TRAPPC9: variants seen among roughly 807,000 people sequenced by gnomAD.
TRAPPC9 encodes IKK2 binding protein.
TRAPPC9 carries 83 observed loss-of-function variants against 124.0 expected under a neutral mutation model. The observed-to-expected ratio is 0.67, with a 90% CI of 0.56 to 0.80. The LOEUF is 0.80. Ranked by LOEUF, TRAPPC9 falls within the 30% of genes least tolerant of loss-of-function variation. The pLI, the probability that TRAPPC9 is intolerant of heterozygous loss-of-function variation, is 0.00. For missense variants in TRAPPC9, 1,302 were observed against 1,508.3 expected (o/e 0.86, Z 2.27); for synonymous variants, 638 against 617.5 (o/e 1.03, Z -0.49).
At chr8:140,074,639 A>T (rs1205269951) in intron 17 of TRAPPC9, among the ~76,000 whole-genome samples, 3 of 152,146 alleles carry the variant, frequency 2.0e-5, no homozygotes, top group Non-Finnish European at 4.4e-5. Context: ...AACTCAGAGG[A>T]AAGACAGTCC....
At chr8:139,805,266 T>C (rs985535791) in intron 21 of TRAPPC9, among the ~76,000 whole-genome samples, 1 of 152,160 alleles carries the variant, frequency 6.6e-6, no homozygotes, top group African/African-American at 2.4e-5. Flanking sequence ...TGGCGTGAGG[T>C]GTGCCTGGGC....
At chr8:140,259,085 C>T (rs1180102585) in intron 15 of TRAPPC9, among the ~76,000 whole-genome samples, 1 of 152,240 alleles carries the variant, frequency 6.6e-6, no homozygotes, top group African/African-American at 2.4e-5. Flanking sequence ...TGGCACATAA[C>T]AGCAACATCG....
At chr8:140,458,434 G>C, upstream of TRAPPC9, 1 of 1,584,884 alleles carries the variant, frequency 6.3e-7, no homozygotes, top group Non-Finnish European at 8.6e-7. Context: ...ACGTGGGTGG[G>C]TGACCGTGGC....
intron 21 of TRAPPC9, among the ~76,000 whole-genome samples, chr8:139,883,177 G>C (rs1829783395): frequency 6.6e-6 from 1 of 152,200 alleles, no homozygotes; most frequent in Non-Finnish European, 1.5e-5. Context: ...AGACACCTGA[G>C]CTAGCACATG....
At chr8:140,201,936 C>G (rs938873354) in intron 17 of TRAPPC9, among the ~76,000 whole-genome samples, 1 of 152,010 alleles carries the variant, frequency 6.6e-6, no homozygotes, top group African/African-American at 2.4e-5. Flanking sequence ...GACATACCAT[C>G]AGAGCTATGG....
chr8:139,806,867 C>A (rs922417297), intron 21 of TRAPPC9, among the ~76,000 whole-genome samples: 6 of 152,190 alleles, frequency 3.9e-5, no homozygotes, highest in Admixed American at 1.3e-4. Context: ...TGCACACGCA[C>A]GGGGGAGAAG....
chr8:140,218,949 G>A (rs1366721017), intron 17 of TRAPPC9, among the ~76,000 whole-genome samples: 1 of 149,976 alleles, frequency 6.7e-6, no homozygotes, highest in Non-Finnish European at 1.5e-5. Flanking sequence ...GACAGAACGA[G>A]ACTCCCATCT....
chr8:140,201,238 C>G (rs1049305386), intron 17 of TRAPPC9, among the ~76,000 whole-genome samples: 1 of 152,166 alleles, frequency 6.6e-6, no homozygotes, highest in African/African-American at 2.4e-5. Flanking sequence ...ACCTGCGGGT[C>G]CAGCCAGTTT....
At chr8:139,820,727 T>C (rs1214228668) in intron 21 of TRAPPC9, among the ~76,000 whole-genome samples, 1 of 152,140 alleles carries the variant, frequency 6.6e-6, no homozygotes, top group African/African-American at 2.4e-5. Flanking sequence ...GAACAGATAA[T>C]TCAGAAATAG....
At chr8:139,925,827 GCACACACA>G (rs56794885) in intron 19 of TRAPPC9, among the ~76,000 whole-genome samples, 2 of 68,660 alleles carry the variant, frequency 2.9e-5, no homozygotes, top group South Asian at 5.2e-4. Context: ...ACACGCACAC[GCACACACA>G]CACACACACA....
chr8:140,342,535 T>C (rs1364928658), intron 9 of TRAPPC9, among the ~76,000 whole-genome samples: 1 of 152,204 alleles, frequency 6.6e-6, no homozygotes, highest in African/African-American at 2.4e-5. Context: ...CCCTTCTCTC[T>C]AGTTCTGAAC....
chr8:140,085,295 G>C (rs2130075606), intron 17 of TRAPPC9, among the ~76,000 whole-genome samples: 1 of 149,056 alleles, frequency 6.7e-6, no homozygotes, highest in African/African-American at 2.5e-5. Flanking sequence ...TACACTTTGG[G>C]TTCCTGCTGC....
At chr8:140,165,202 G>A (rs886302912) in intron 17 of TRAPPC9, among the ~76,000 whole-genome samples, 2 of 152,016 alleles carry the variant, frequency 1.3e-5, no homozygotes, top group African/African-American at 4.8e-5. Flanking sequence ...TTAGCCAGGC[G>A]TGGTGGCGTG....
intron 17 of TRAPPC9, among the ~76,000 whole-genome samples, chr8:140,193,452 G>A (rs1379413895): frequency 3.9e-5 from 6 of 152,088 alleles, no homozygotes; most frequent in African/African-American, 1.4e-4. Flanking sequence ...TCAGCTGAAT[G>A]TAAGTCTTGG....
chr8:140,217,518 C>A (rs541475424), intron 17 of TRAPPC9, among the ~76,000 whole-genome samples: 4 of 152,124 alleles, frequency 2.6e-5, no homozygotes, highest in Non-Finnish European at 4.4e-5. Flanking sequence ...TCCTTTCCCA[C>A]GAAAGATTCT....
intron 9 of TRAPPC9, among the ~76,000 whole-genome samples, chr8:140,346,892 G>A (rs547596352): frequency 2.0e-5 from 3 of 152,352 alleles, no homozygotes; most frequent in African/African-American, 4.8e-5. Context: ...CGTCACCACT[G>A]TGTCCACTCG....
At chr8:140,409,985 T>A (rs2069637380) in intron 5 of TRAPPC9, among the ~76,000 whole-genome samples, 1 of 151,570 alleles carries the variant, frequency 6.6e-6, no homozygotes, top group African/African-American at 2.4e-5. Flanking sequence ...AAAAAACACA[T>A]GAAAATTAGC....
At chr8:140,139,276 T>C (rs1420187786) in intron 17 of TRAPPC9, among the ~76,000 whole-genome samples, 2 of 152,156 alleles carry the variant, frequency 1.3e-5, no homozygotes, top group East Asian at 1.9e-4. Flanking sequence ...CTTTACGGCC[T>C]GCTCAGATTT....
chr8:140,157,116 G>GAAGCCTCCCTTTCCATTCAA (rs2061658612), intron 17 of TRAPPC9, among the ~76,000 whole-genome samples: 1 of 59,882 alleles, frequency 1.7e-5, no homozygotes, highest in Non-Finnish European at 3.0e-5. Context: ...TTTCCATTCA[G>GAAGCCTCCCTTTCCATTCAA]AAGCCTCCCT....
Sources: allele counts gnomAD v4.1 joint callset (sites outside exome capture counted in the v4.1 genomes callset), GRCh38; gene constraint gnomAD v4.1.1; transcripts MANE v1.5; gene names NCBI Gene and HGNC (gene_info 2026-07-23, HGNC 2026-07-21).